CFHR4: variants seen among roughly 807,000 people sequenced by gnomAD.
CFHR4 encodes the protein complement factor H related 4, also known as complement factor H-related protein 4.
In CFHR4, 64 loss-of-function variants were observed where a neutral mutation model predicts 69.3. The observed-to-expected ratio is 0.92, with a 90% CI of 0.76 to 1.14. The LOEUF is 1.14. Ranked by LOEUF, CFHR4 falls within the 50% of genes most tolerant of loss-of-function variation. The probability of loss-of-function intolerance (pLI) is 0.00; values close to 1 mark genes in which losing one functional copy is unlikely to be tolerated. For missense variants in CFHR4, 636 were observed against 684.9 expected (o/e 0.93, Z 0.80); for synonymous variants, 244 against 237.0 (o/e 1.03, Z -0.27).
chr1:196,908,602 A>G (rs1421693437), intron 5 of CFHR4, among the ~76,000 whole-genome samples: 1 of 151,470 alleles, frequency 6.6e-6, no homozygotes, highest in Non-Finnish European at 1.5e-5. Flanking sequence ...TGTCCCACAA[A>G]TCCTATGAAC....
chr1:196,913,236 G>T (rs1658380249), intron 7 of CFHR4, among the ~76,000 whole-genome samples: 1 of 151,446 alleles, frequency 6.6e-6, no homozygotes, highest in Non-Finnish European at 1.5e-5. Context: ...AAACTTCGTT[G>T]TTTTCCCTTT....
intron 1 of CFHR4, among the ~76,000 whole-genome samples, chr1:196,898,042 T>G (rs1396476727): frequency 6.6e-6 from 1 of 151,514 alleles, no homozygotes; most frequent in Non-Finnish European, 1.5e-5. Flanking sequence ...CTTCCTTATT[T>G]GCATTTTTAC....
chr1:196,912,080 C>G (rs1658300329), intron 6 of CFHR4, among the ~76,000 whole-genome samples: 1 of 151,180 alleles, frequency 6.6e-6, no homozygotes, highest in Non-Finnish European at 1.5e-5. Context: ...ATAATTACTA[C>G]CTTATACATA....
In CFHR4 at chr1:196,899,906, C is replaced by G. The variant is rs1657503539; in HGVS notation, c.59-2512C>G. Among the ~76,000 whole-genome samples the G allele has an allele frequency of 1.3e-5, 2 of 151,490 alleles. 1 individual carries two copies. Among genetic ancestry groups the G allele is most frequent in the African/African-American group, 4.9e-5 (2 of 41,070 alleles). The stretch of plus-strand genomic sequence containing the variant: ...GATACAGCATTTTATTCTCAGGCTT[C>G]ATTACTCTTTTGTGTCTGCCCATAG... On this transcript the variant is annotated intron_variant, in intron 1 of 9. Transcript: ENST00000608469.
intron 5 of CFHR4, among the ~76,000 whole-genome samples, chr1:196,908,575 G>A (rs1259948882): frequency 6.6e-6 from 1 of 151,282 alleles, no homozygotes; most frequent in South Asian, 2.1e-4. Flanking sequence ...TGTAATACAG[G>A]TATACTCTTA....
At chr1:196,907,136 A>G in intron 4 of CFHR4, 99 bp downstream of exon 4, 4 of 1,238,038 alleles carry the variant, frequency 3.2e-6, no homozygotes, top group Non-Finnish European at 4.5e-6. Context: ...ATATGTGTAC[A>G]TATACATGTA....
In CFHR4 at chr1:196,888,549, A is replaced by G. The variant is rs562178488; in HGVS notation, c.58+341A>G. Among the ~76,000 whole-genome samples, 3 of 151,446 alleles carry G rather than the reference A, an allele frequency of 2.0e-5. No individual in the cohort carries two copies. In the East Asian group the frequency reaches 5.8e-4, roughly 29 times the overall value. On this transcript the variant is annotated intron_variant, in intron 1 of 9. Coordinates refer to ENST00000608469, the MANE Select transcript of CFHR4 (RefSeq NM_001201550.3). ...ACCTTAAAATGTTCAGAATTTTCTT[A>G]TTCATAATACAAGGGAAACTTTGGG...
At chr1:196,897,160 G>T (rs1214004689) in intron 1 of CFHR4, among the ~76,000 whole-genome samples, 1 of 151,546 alleles carries the variant, frequency 6.6e-6, no homozygotes, top group Admixed American at 6.6e-5. Context: ...AGATGAAATG[G>T]GGGAGTTCCC....
At chr1:196,915,507 T>G (rs989555653) in intron 9 of CFHR4, among the ~76,000 whole-genome samples, 2 of 151,286 alleles carry the variant, frequency 1.3e-5, no homozygotes, top group Non-Finnish European at 2.9e-5. Flanking sequence ...TGCTGGCATA[T>G]GCCTGTAATC....
intron 2 of CFHR4, among the ~76,000 whole-genome samples, chr1:196,903,922 T>A (rs1657759739): frequency 6.6e-6 from 1 of 151,582 alleles, no homozygotes; most frequent in Non-Finnish European, 1.5e-5. Context: ...TGAAGACACA[T>A]TCAGTTATAG....
chr1:196,898,837 C>T (rs1434157918), intron 1 of CFHR4, among the ~76,000 whole-genome samples: 1 of 151,514 alleles, frequency 6.6e-6, no homozygotes, highest in Non-Finnish European at 1.5e-5. Context: ...ATGGCTCACT[C>T]ACACAGATTT....
rs542514889 is a variant in CFHR4, at chr1:196,909,543, A to G, written c.800-738A>G. On this transcript the variant is annotated intron_variant, in intron 5 of 9. Coordinates refer to ENST00000608469, the MANE Select transcript of CFHR4 (RefSeq NM_001201550.3). ...TTTTTGGATTTCAAAAGTGATATGT[A>G]CTATGTTAAGAAATTTATTTAAGTG... Among the ~76,000 whole-genome samples, 4 of 151,688 alleles carry G rather than the reference A, an allele frequency of 2.6e-5. No homozygotes were observed. The South Asian group carries it at 8.3e-4, about 31-fold the overall frequency.
At position 196,914,936 on chromosome 1, in the gene CFHR4, T is replaced by A. The variant is rs778672161; in HGVS notation, c.1358-20T>A. The A allele has an allele frequency of 2.5e-6, 4 of 1,607,174 alleles. No individual in the cohort carries two copies. The highest frequency in any genetic ancestry group is 2.7e-5 in the African/African-American group (2 of 73,506). ...ATAAGACTATTGATTTTTCCCCACA[T>A]ATAAAGTATTTTTTTTCAGATTCTT... On this transcript the variant is annotated intron_variant, in intron 8 of 9. Transcript: ENST00000608469.
At position 196,906,994 on chromosome 1, in the gene CFHR4, AGT is replaced by A. The variant is rs750100833; in HGVS notation, c.579_580del (p.Cys193TrpfsTer2). 1.2e-6 allele frequency: 2 copies of A among 1,612,496 alleles called. No individual in the cohort carries two copies. Among genetic ancestry groups the A allele is most frequent in the South Asian group, 2.2e-5 (2 of 90,986 alleles). On this transcript the variant is annotated frameshift_variant, in exon 4 of 10. Coordinates refer to ENST00000608469, the MANE Select transcript of CFHR4 (RefSeq NM_001201550.3). LOFTEE classifies it high-confidence loss of function. ...GTTATGGAAACACCACAGATTCCAT[AGT>A]GTGTGGTGAAGATGGCTGGTCCCAT... Reference protein sequence around the residue: ...SSYGNTTDSIVCGEDGWSHLP... With the variant: ...SSYGNTTDSIXCGEDGWSHLP...
intron 1 of CFHR4, among the ~76,000 whole-genome samples, chr1:196,901,566 A>G (rs1657606532): frequency 6.6e-6 from 1 of 151,410 alleles, no homozygotes. Context: ...AACAATGATC[A>G]TATTTCATAG....
Position 196,891,431 on chromosome 1 carries a change from G to A in CFHR4, c.58+3223G>A, listed in dbSNP as rs1204294088. ...AAAAAACTGTGCATCCGTGCTTGAC[G>A]GACTGGGTCAGAGAAGCTGTCATGC... On this transcript the variant is annotated intron_variant, in intron 1 of 9. Transcript: ENST00000608469. Among the ~76,000 whole-genome samples, 24 of 151,322 alleles carry A rather than the reference G, an allele frequency of 1.6e-4. 2 individuals are homozygous for A. Among genetic ancestry groups the A allele is most frequent in the African/African-American group, 5.8e-4 (24 of 41,048 alleles).
chr1:196,892,223 G>A (rs958105782), intron 1 of CFHR4, among the ~76,000 whole-genome samples: 4 of 151,378 alleles, frequency 2.6e-5, no homozygotes, highest in Non-Finnish European at 5.9e-5. Context: ...GCTGATTTGG[G>A]AGCCACTAAG....
At chr1:196,894,908 A>AACAAC (rs759750989) in intron 1 of CFHR4, among the ~76,000 whole-genome samples, 15 of 150,900 alleles carry the variant, frequency 9.9e-5, no homozygotes, top group Non-Finnish European at 1.8e-4. Context: ...CAACAACAAC[A>AACAAC]AATTATTCAG....
Position 196,914,652 on chromosome 1 carries a change from C to A in CFHR4, c.1338C>A (p.Ser446=), listed in dbSNP as rs773870559. 3 of 1,601,700 alleles carry A rather than the reference C, an allele frequency of 1.9e-6. No homozygotes were observed. The highest frequency in any genetic ancestry group is 2.6e-6 in the Non-Finnish European group (3 of 1,176,302). The change falls in exon 8 of 10, where the codon TCC becomes TCA. Residue 446 remains serine, a synonymous_variant. Coordinates refer to ENST00000608469, the MANE Select transcript of CFHR4 (RefSeq NM_001201550.3). The part of the protein sequence containing the change: ...GSIVCGEDGW[S]HFPTCYNSSE... ...TAGTGTGTGGTGAAGATGGGTGGTC[C>A]CATTTCCCAACATGTTATAGTAAGT...
Sources: gnomAD v4.1 joint callset for allele counts (sites outside exome capture counted in the v4.1 genomes callset) on GRCh38, gnomAD v4.1.1 for gene constraint, MANE v1.5 for transcripts, NCBI Gene and HGNC (gene_info 2026-07-23, HGNC 2026-07-21) for gene names.